The following C6 variants were observed in gnomAD, a reference collection of about 807,000 sequenced individuals.
C6 encodes complement component C6.
In C6, 101 loss-of-function variants were observed where a neutral mutation model predicts 112.9. The ratio of observed to expected loss-of-function variants is 0.89; its 90% CI spans 0.76 to 1.06. The LOEUF (loss-of-function observed/expected upper bound fraction) is 1.06. Among genes scored for constraint, C6 ranks in the 50% least tolerant of loss-of-function variants. The probability of loss-of-function intolerance (pLI) is 0.00; values close to 1 mark genes in which losing one functional copy is unlikely to be tolerated. For synonymous variants in C6, 431 were observed against 384.1 expected (o/e 1.12, Z -1.43); for missense variants, 1,202 against 1,104.6 (o/e 1.09, Z -1.25).
At position 41,158,778 on chromosome 5, in the gene C6, G is replaced by T. The variant is rs756339343; in HGVS notation, c.1864C>A (p.Pro622Thr). Residue 622 changes from proline (P) to threonine (T), a missense_variant, in exon 13 of 18, where the codon CCA (proline) becomes ACA (threonine). Physicochemically the swap from Pro to Thr is conservative, Grantham distance 38. Transcript: ENST00000337836. ...ATTTCTTCGTCATCATTGATACATG[G>T]TTGTCCACTAAAAGGGAAACATAAA... ...TFSIMENNGQ[P>T]CINDDEEMKE... 3.9e-6 allele frequency: 6 copies of T among 1,555,286 alleles called. No individual in the cohort carries two copies. The African/African-American group carries it at 8.1e-5, about 21-fold the overall frequency.
intron 13 of C6, among the ~76,000 whole-genome samples, chr5:41,155,976 T>C (rs1202507624): frequency 6.6e-6 from 1 of 152,092 alleles, no homozygotes. Context: ...CCATTGGTCA[T>C]TATATATTTT....
intron 5 of C6, among the ~76,000 whole-genome samples, chr5:41,188,924 A>G (rs1348510671): frequency 6.6e-6 from 1 of 152,080 alleles, no homozygotes; most frequent in Non-Finnish European, 1.5e-5. Context: ...GAACTAAATA[A>G]AAAAACCAAA....
At chr5:41,254,795 C>A (rs980085004) in intron 1 of C6, among the ~76,000 whole-genome samples, 4 of 152,126 alleles carry the variant, frequency 2.6e-5, no homozygotes, top group African/African-American at 9.7e-5. Context: ...ATCCAGAAAG[C>A]AAGATTTACA....
intron 1 of C6, among the ~76,000 whole-genome samples, chr5:41,229,527 A>G (rs929863135): frequency 2.6e-5 from 4 of 152,060 alleles, no homozygotes; most frequent in Non-Finnish European, 2.9e-5. Flanking sequence ...TATTATTGTG[A>G]TCAGAAAAGA....
Position 41,142,882 on chromosome 5 carries a change from A to G in C6, c.2748T>C (p.Thr916=), listed in dbSNP as rs754845458. ...CCATCTTCCTGTTTGCACATCTTAT[A>G]GTTCCCACTTCACAGATGTTCAATG... ...EKTLNICEVG[T]IRCANRKMEI... is the part of the protein sequence containing the mutation. Residue 916 remains threonine, a synonymous_variant, in exon 18 of 18, where the codon ACT becomes ACC. Coordinates refer to ENST00000337836, the MANE Select transcript of C6 (RefSeq NM_000065.5). 1 of 1,613,684 alleles carries G rather than the reference A, an allele frequency of 6.2e-7. No homozygotes were observed. Among genetic ancestry groups the G allele is most frequent in the Non-Finnish European group, 8.5e-7 (1 of 1,179,724 alleles).
At chr5:41,172,157 A>G (rs1748471541) in intron 9 of C6, 68 bp downstream of exon 9, 1 of 1,511,446 alleles carries the variant, frequency 6.6e-7, no homozygotes, top group African/African-American at 1.4e-5. Flanking sequence ...GTCACATCCA[A>G]TATGGTCTGT....
At position 41,160,235 on chromosome 5, in the gene C6, G is replaced by T. The variant is rs557864913; in HGVS notation, c.1591C>A (p.Arg531=). Residue 531 remains arginine (R), a synonymous_variant, in exon 11 of 18, where the codon CGA becomes AGA. Transcript: ENST00000337836. The part of the protein sequence containing the change: ...CQCAPCPNNG[R]PTLSGTECLC... Reference sequence around the variant, plus strand: ...CATTCAGTCCCTGAGAGGGTGGGTCGGCCATTATTAGGGCATGGAGCACAC... The same window carrying T: ...CATTCAGTCCCTGAGAGGGTGGGTCTGCCATTATTAGGGCATGGAGCACAC... 6.2e-7 allele frequency: 1 copy of T among 1,613,828 alleles called. No homozygotes were observed. Among genetic ancestry groups the T allele is most frequent in the Non-Finnish European group, 8.5e-7 (1 of 1,179,836 alleles).
At chr5:41,259,952 C>G (rs1178570455) in intron 1 of C6, among the ~76,000 whole-genome samples, 2 of 152,080 alleles carry the variant, frequency 1.3e-5, no homozygotes, top group Non-Finnish European at 2.9e-5. Flanking sequence ...CTGGGCTGTC[C>G]CCACACATTT....
At chr5:41,184,479 T>C (rs1749611277) in intron 6 of C6, among the ~76,000 whole-genome samples, 2 of 128,752 alleles carry the variant, frequency 1.6e-5, no homozygotes, top group African/African-American at 5.7e-5. Context: ...TTTCTTTTCT[T>C]TTCTTTTTTT....
chr5:41,216,878 ATTC>A (rs1381042369), upstream of C6, among the ~76,000 whole-genome samples: 1 of 152,132 alleles, frequency 6.6e-6, no homozygotes, highest in Non-Finnish European at 1.5e-5. Flanking sequence ...TCTCAGTGTT[ATTC>A]TTTTAAGGAA....
chr5:41,181,961 A>T (rs1332853813), intron 6 of C6, among the ~76,000 whole-genome samples: 1 of 152,164 alleles, frequency 6.6e-6, no homozygotes, highest in African/African-American at 2.4e-5. Flanking sequence ...TTCAGTTCTG[A>T]CAACTGGGCT....
intron 1 of C6, 35 bp from the exon 2 acceptor site, chr5:41,203,285 C>T (rs1459167013): frequency 2.5e-6 from 4 of 1,604,538 alleles, no homozygotes; most frequent in African/African-American, 1.3e-5. Context: ...ATATCAAATG[C>T]TTTTTTGAGG....
intron 9 of C6, among the ~76,000 whole-genome samples, chr5:41,162,171 G>A (rs1008721120): frequency 7.2e-5 from 11 of 152,120 alleles, no homozygotes; most frequent in African/African-American, 1.7e-4. Context: ...CATTGAAGCC[G>A]AAAGTAATTT....
At chr5:41,162,452 C>A (rs1048139211) in intron 9 of C6, among the ~76,000 whole-genome samples, 19 of 152,256 alleles carry the variant, frequency 1.2e-4, no homozygotes, top group East Asian at 9.7e-4. Flanking sequence ...CAGAAAAAAA[C>A]CCCCATCAGG....
At chr5:41,243,871 T>C (rs1365210236) in intron 1 of C6, among the ~76,000 whole-genome samples, 2 of 152,324 alleles carry the variant, frequency 1.3e-5, no homozygotes, top group South Asian at 2.1e-4. Flanking sequence ...CTTTCCTCAG[T>C]TGGAGTAACT....
chr5:41,161,912 T>C, intron 9 of C6, 53 bp from the exon 10 acceptor site: 1 of 1,575,950 alleles, frequency 6.3e-7, no homozygotes, highest in Non-Finnish European at 8.7e-7. Context: ...AAATTCCTAT[T>C]CTAAAACAAA....
intron 1 of C6, among the ~76,000 whole-genome samples, chr5:41,229,805 G>T (rs986617240): frequency 6.6e-6 from 1 of 152,082 alleles, no homozygotes; most frequent in African/African-American, 2.4e-5. Context: ...TTTTATTGCA[G>T]TTTATTCTTT....
At chr5:41,146,175 C>T (rs3805711) in intron 17 of C6, among the ~76,000 whole-genome samples, 45,348 of 152,006 alleles carry the variant, frequency 0.3, 6,885 homozygotes, top group South Asian at 0.38. Flanking sequence ...AAAAATTTCC[C>T]GTTCCTGTCG....
At chr5:41,219,420 C>T (rs578203529) in intron 1 of C6, among the ~76,000 whole-genome samples, 1 of 152,044 alleles carries the variant, frequency 6.6e-6, no homozygotes, top group Admixed American at 6.6e-5. Context: ...TATTGAGCGC[C>T]CTTTGTTCTC....
Sources: gnomAD v4.1 joint callset for allele counts (sites outside exome capture counted in the v4.1 genomes callset) on GRCh38, gnomAD v4.1.1 for gene constraint, MANE v1.5 for transcripts, NCBI Gene and HGNC (gene_info 2026-07-23, HGNC 2026-07-21) for gene names.